The following MED25 variants were observed in gnomAD, a reference collection of about 807,000 sequenced individuals.
MED25 encodes mediator complex subunit 25.
MED25 carries 62 observed loss-of-function variants against 89.4 expected under a neutral mutation model. That is an observed-to-expected ratio of 0.69 (90% CI 0.57 to 0.86). The LOEUF is 0.86. Among genes scored for constraint, MED25 ranks in the 40% least tolerant of loss-of-function variants. The probability of loss-of-function intolerance (pLI) is 0.00; values close to 1 mark genes in which losing one functional copy is unlikely to be tolerated. For synonymous variants in MED25, 449 were observed against 427.9 expected (o/e 1.05, Z -0.61); for missense variants, 905 against 1,005.2 (o/e 0.90, Z 1.35).
Position 49,829,141 on chromosome 19 carries a change from G to A in MED25, c.525+51G>A. The A allele has an allele frequency of 2.6e-6, 4 of 1,548,890 alleles. No homozygotes were observed. Among genetic ancestry groups the A allele is most frequent in the Non-Finnish European group, 2.6e-6 (3 of 1,132,896 alleles). On this transcript the variant is annotated intron_variant, in intron 5 of 17. Transcript: ENST00000312865. The surrounding 1 kb of genome is among the most constrained non-coding windows in gnomAD (Gnocchi z 4.6). ...GAGGGTCTGGGGGCCCGGAGTCTTGGGTCTGAGGCAGGAGGCACTGAGGGC... is the reference window on the plus strand; with the variant it reads ...GAGGGTCTGGGGGCCCGGAGTCTTGAGTCTGAGGCAGGAGGCACTGAGGGC...
Position 49,831,349 on chromosome 19 carries a change from C to T in MED25, c.1118C>T (p.Pro373Leu). 6.2e-7 allele frequency: 1 copy of T among 1,611,314 alleles called. No homozygotes were observed. Among genetic ancestry groups the T allele is most frequent in the Non-Finnish European group, 8.5e-7 (1 of 1,179,044 alleles). ...GAPSMAGTVA[P>L]GGVSGPSPAQ... ...CTCTGGCAGGCAGGCACTGTGGCCC[C>T]AGGAGGGGTGAGCGGCCCTTCCCCA... The change falls in exon 10 of 18, where the codon CCA becomes CTA. Residue 373 changes from proline (P) to leucine (L), a missense_variant. Around this residue, in one of 3 missense-constraint regions of MED25, gnomAD observed 501 missense variants for 526.9 expected, o/e 0.95. Coordinates refer to ENST00000312865, the MANE Select transcript of MED25 (RefSeq NM_030973.4). The surrounding 1 kb of genome is among the most constrained non-coding windows in gnomAD (Gnocchi z 5.0).
rs764554011 is a variant in MED25 at position 49,829,890 on chromosome 19, G to A, written c.630G>A (p.Pro210=). 7.4e-6 allele frequency: 12 copies of A among 1,613,288 alleles called. No homozygotes were observed. In the African/African-American group the frequency reaches 1.2e-4, roughly 16 times the overall value. Residue 210 remains proline (P), a synonymous_variant, in exon 6 of 18, where the codon CCG becomes CCA. Coordinates refer to ENST00000312865, the MANE Select transcript of MED25 (RefSeq NM_030973.4). This position sits in a 1 kb window ranked among gnomAD's most constrained non-coding sequence, Gnocchi z 4.6. ...CCTTGCTGGAGCCGCTGCAGCCTCC[G>A]ACAGATGTGAGCCAGGACCCGAGGC... ...PPALLEPLQP[P]TDVSQDPRHM... is the part of the protein sequence containing the mutation.
chr19:49,832,274 C>T (rs1301218951), intron 12 of MED25, 34 bp from the exon 13 acceptor site: 2 of 1,542,350 alleles, frequency 1.3e-6, no homozygotes, highest in Non-Finnish European at 1.8e-6. Flanking sequence ...CTTGCCCACA[C>T]CAGCATGCCA....
chr19:49,830,147 G>A lies in MED25; in HGVS notation c.748G>A (p.Ala250Thr), dbSNP rs371817340. Residue 250 changes from alanine to threonine, a missense_variant, in exon 7 of 18, where the codon GCC (alanine) becomes ACC (threonine). Transcript: ENST00000312865. This position sits in a 1 kb window ranked among gnomAD's most constrained non-coding sequence, Gnocchi z 4.6. ...QSKQPVPLPP[A>T]APSGATLSAA... ...AAAGCAGCCAGTCCCCCTGCCTCCC[G>A]CCGCACCCTCAGGTGCCACTCTCTC... The A allele has an allele frequency of 7.5e-6, 12 of 1,603,346 alleles. No individual in the cohort carries two copies. The highest frequency in any genetic ancestry group is 3.3e-5 in the Admixed American group (2 of 59,810).
Position 49,831,248 on chromosome 19 carries a change from C to T in MED25, c.1102-85C>T, listed in dbSNP as rs190662965. ...AGGGGCAGAAGAAGGGATCTTTCCTCCTTCCTGGTTTGCCCTCACAGGATG... is the reference window on the plus strand; with the variant it reads ...AGGGGCAGAAGAAGGGATCTTTCCTTCTTCCTGGTTTGCCCTCACAGGATG... On this transcript the variant is annotated intron_variant, in intron 9 of 17. Coordinates refer to ENST00000312865, the MANE Select transcript of MED25 (RefSeq NM_030973.4). This position sits in a 1 kb window ranked among gnomAD's most constrained non-coding sequence, Gnocchi z 5.0. 2 of 1,419,976 alleles carry T rather than the reference C, an allele frequency of 1.4e-6. No individual in the cohort carries two copies. Among genetic ancestry groups the T allele is most frequent in the Non-Finnish European group, 1.9e-6 (2 of 1,040,012 alleles). 88.0% of individuals were successfully genotyped at this position (1,419,976 alleles called of 1,614,324 possible).
In MED25 at chr19:49,836,933, G is replaced by A. The variant is rs779239621; in HGVS notation, c.2233G>A (p.Asp745Asn). Reference protein sequence around the residue: ...PSVMEDDILMDLI With the variant: ...PSVMEDDILMNLI ...CGTCATGGAGGACGACATCCTCATG[G>A]ATCTCATCTGAATCCCCAACACCCA... The change falls in exon 18 of 18, where the codon GAT becomes AAT. Residue 745 changes from aspartate to asparagine, a missense_variant. Coordinates refer to ENST00000312865, the MANE Select transcript of MED25 (RefSeq NM_030973.4). This position sits in a 1 kb window ranked among gnomAD's most constrained non-coding sequence, Gnocchi z 5.1. The A allele has an allele frequency of 6.2e-7, 1 of 1,612,732 alleles. No homozygotes were observed. Among genetic ancestry groups the A allele is most frequent in the Non-Finnish European group, 8.5e-7 (1 of 1,179,554 alleles).
chr19:49,818,527 C>T (rs768532361), intron 1 of MED25, 44 bp from the exon 2 acceptor site: 2 of 1,614,176 alleles, frequency 1.2e-6, no homozygotes, highest in South Asian at 1.1e-5. Flanking sequence ...CAGTTTCGCA[C>T]AGTTTCTTGC....
rs1600331387 is a variant in MED25, at chr19:49,835,833, C to T, written c.1853C>T (p.Pro618Leu). Residue 618 changes from proline to leucine, a missense_variant, in exon 16 of 18, where the codon CCT becomes CTT. Pro to Leu is a moderately conservative substitution (Grantham distance 98, BLOSUM62 -3). Coordinates refer to ENST00000312865, the MANE Select transcript of MED25 (RefSeq NM_030973.4). The surrounding 1 kb of genome is among the most constrained non-coding windows in gnomAD (Gnocchi z 6.2). The part of the protein sequence containing the change: ...QGTAQPPPGA[P>L]QGPPGAASGP... ...ACTGCCCAGCCCCCGCCAGGTGCCC[C>T]TCAAGGCCCTCCTGGAGCAGCTTCT... 4 of 1,611,896 alleles carry T rather than the reference C, an allele frequency of 2.5e-6. No individual in the cohort carries two copies. Among genetic ancestry groups the T allele is most frequent in the Non-Finnish European group, 3.4e-6 (4 of 1,179,374 alleles).
intron 3 of MED25, among the ~76,000 whole-genome samples, chr19:49,826,922 C>T (rs1014434782): frequency 1.3e-5 from 2 of 152,144 alleles, no homozygotes; most frequent in Non-Finnish European, 2.9e-5. Flanking sequence ...GGGCCGATGC[C>T]GGGCCGAGGG....
intron 3 of MED25, among the ~76,000 whole-genome samples, chr19:49,820,415 A>T (rs2073974090): frequency 6.6e-6 from 1 of 152,384 alleles, no homozygotes; most frequent in Admixed American, 6.5e-5. Flanking sequence ...GATGTCCCTT[A>T]TCTAGGTTAG....
downstream of MED25, among the ~76,000 whole-genome samples, chr19:49,837,945 G>C (rs180685435): frequency 4.8e-4 from 73 of 152,278 alleles, no homozygotes; most frequent in African/African-American, 1.7e-3. Context: ...ACAGGTTTGG[G>C]ACGTGGCAAG....
downstream of MED25, chr19:49,838,987 C>G (rs910855811): frequency 5.8e-6 from 2 of 345,198 alleles, no homozygotes; most frequent in East Asian, 7.6e-5. Flanking sequence ...CTGTTGAGAC[C>G]GTTATTTAAG....
intron 3 of MED25, among the ~76,000 whole-genome samples, chr19:49,825,134 A>G (rs964429475): frequency 6.6e-6 from 1 of 152,170 alleles, no homozygotes; most frequent in Non-Finnish European, 1.5e-5. Flanking sequence ...TGTTTATTAC[A>G]TGTCGCCCTT....
rs199588409 is a variant in MED25 at position 49,818,465 on chromosome 19, C to T, written c.124C>T (p.Pro42Ser). Residue 42 changes from proline to serine, a missense_variant, in exon 1 of 18, where the codon CCG becomes TCG. Physicochemically the swap from Pro to Ser is moderately conservative, Grantham distance 74 (BLOSUM62 -1). This residue lies in a region of MED25 where 501 missense variants were observed against 526.9 expected (regional missense o/e 0.95). Transcript: ENST00000312865. ...GGGGCTCCGCAAGCACTACCTGCTC[C>T]CGGCCATCGAGTGAGTGCTGTTTCC... ...FEGLRKHYLL[P>S]AIEYFNGGPP... is the part of the protein sequence containing the mutation. 5.0e-6 allele frequency: 8 copies of T among 1,614,204 alleles called. No homozygotes were observed. The highest frequency in any genetic ancestry group is 1.3e-5 in the African/African-American group (1 of 75,064).
At chr19:49,825,048 C>G (rs2074006954) in intron 3 of MED25, among the ~76,000 whole-genome samples, 1 of 152,106 alleles carries the variant, frequency 6.6e-6, no homozygotes, top group Non-Finnish European at 1.5e-5. Flanking sequence ...TTATCATAAA[C>G]TTGATATTTT....
rs763506297 is a variant in MED25 at position 49,831,100 on chromosome 19, G to A, written c.1101+213G>A. Among the ~76,000 whole-genome samples, 17 of 152,116 alleles carry A rather than the reference G, an allele frequency of 1.1e-4. No homozygotes were observed. The highest frequency in any genetic ancestry group is 2.1e-4 in the Non-Finnish European group (14 of 67,992). The stretch of plus-strand genomic sequence containing the variant: ...GCTCCAGGAGGGTCAGGGCTGTTCC[G>A]AGAAACCCAAGGAATCCCTGGGTCT... On this transcript the variant is annotated intron_variant, in intron 9 of 17. Coordinates refer to ENST00000312865, the MANE Select transcript of MED25 (RefSeq NM_030973.4). This position sits in a 1 kb window ranked among gnomAD's most constrained non-coding sequence, Gnocchi z 5.0.
intron 3 of MED25, 177 bp downstream of exon 3, chr19:49,819,473 G>T: frequency 3.0e-6 from 2 of 676,686 alleles, no homozygotes; most frequent in East Asian, 2.9e-5. Flanking sequence ...TGGGGTCCCT[G>T]CGAGGGGCCG....
chr19:49,835,226 G>C lies in MED25; in HGVS notation c.1674+49G>C, dbSNP rs775912319. On this transcript the variant is annotated intron_variant, in intron 14 of 17. Coordinates refer to ENST00000312865, the MANE Select transcript of MED25 (RefSeq NM_030973.4). This position sits in a 1 kb window ranked among gnomAD's most constrained non-coding sequence, Gnocchi z 6.2. ...CAGCACTCCGACCCCCTCCTGCCCG[G>C]GCCCCACATGGCCCCCTGGGGTCTC... The C allele has an allele frequency of 6.3e-7, 1 of 1,590,086 alleles. No individual in the cohort carries two copies. Among genetic ancestry groups the C allele is most frequent in the African/African-American group, 1.3e-5 (1 of 74,480 alleles).
Position 49,829,079 on chromosome 19 carries a change from C to G in MED25, c.514C>G (p.Gln172Glu). Residue 172 changes from glutamine to glutamate, a missense_variant, in exon 5 of 18, where the codon CAG becomes GAG. Gln to Glu is a conservative substitution (Grantham distance 29). Coordinates refer to ENST00000312865, the MANE Select transcript of MED25 (RefSeq NM_030973.4). This position sits in a 1 kb window ranked among gnomAD's most constrained non-coding sequence, Gnocchi z 4.6. ...ATGCACAACTGAGAATCTTGTGCAG[C>G]AGATTGGGGAGGTGAGGACTCCAGG... ...SGCTTENLVQ[Q>E]IGERGIHFSI... is the part of the protein sequence containing the mutation. 1 of 1,613,714 alleles carries G rather than the reference C, an allele frequency of 6.2e-7. No homozygotes were observed.
Sources: gnomAD v4.1 joint callset for allele counts (sites outside exome capture counted in the v4.1 genomes callset) on GRCh38, gnomAD v4.1.1 for gene constraint, gnomAD v4.1.1 regional missense constraint, Gnocchi (gnomAD v3.1) non-coding constraint, MANE v1.5 for transcripts, NCBI Gene and HGNC (gene_info 2026-07-23, HGNC 2026-07-21) for gene names.